Variants in ESRRB observed in about 807,000 individuals in gnomAD.
ESRRB encodes the protein estrogen related receptor beta.
Under a neutral mutation model 46.0 loss-of-function variants are expected in ESRRB, and 16 were observed. The observed-to-expected ratio is 0.35, with a 90% CI of 0.24 to 0.53. ESRRB has a LOEUF of 0.53. Among genes scored for constraint, ESRRB ranks in the 20% least tolerant of loss-of-function variants. ESRRB has a pLI of 0.93. For missense variants in ESRRB, 488 were observed against 607.4 expected (o/e 0.80, Z 2.07); for synonymous variants, 246 against 259.6 (o/e 0.95, Z 0.50).
chr14:76,401,711 C>T (rs541459065), intron 1 of ESRRB, among the ~76,000 whole-genome samples: 1 of 152,088 alleles, frequency 6.6e-6, no homozygotes, highest in African/African-American at 2.4e-5. Flanking sequence ...ACCATACAGC[C>T]TAGGGGTGTA....
At chr14:76,353,967 A>G (rs947278818) in intron 1 of ESRRB, among the ~76,000 whole-genome samples, 1 of 152,092 alleles carries the variant, frequency 6.6e-6, no homozygotes, top group Non-Finnish European at 1.5e-5. Context: ...GTCTCAAAAT[A>G]AAAATAAAGA....
At chr14:76,346,708 A>G (rs1249136700) in intron 1 of ESRRB, among the ~76,000 whole-genome samples, 3 of 152,278 alleles carry the variant, frequency 2.0e-5, no homozygotes, top group African/African-American at 7.2e-5. Context: ...TGCCCAGACC[A>G]CGGGAGCATC....
At chr14:76,485,233 ATTTTTTTTTTT>A (rs34504939) in intron 5 of ESRRB, among the ~76,000 whole-genome samples, 1 of 91,858 alleles carries the variant, frequency 1.1e-5, no homozygotes, top group African/African-American at 4.2e-5. Flanking sequence ...CAAATGCCTG[ATTTTTTTTTTT>A]TTTTTTTTTT....
Position 76,491,568 on chromosome 14 carries a change from G to C in ESRRB, c.972G>C (p.Glu324Asp). 1.3e-6 allele frequency: 2 copies of C among 1,592,670 alleles called. No individual in the cohort carries two copies. Among genetic ancestry groups the C allele is most frequent in the East Asian group, 2.3e-5 (1 of 44,206 alleles). ...LPYDDKLVYA[E>D]DYIMDEEHSR... The stretch of plus-strand genomic sequence containing the variant: ...ATGACGACAAGCTGGTGTACGCTGA[G>C]GACTACATCATGGATGAGGAGCACT... The change falls in exon 6 of 7, where the codon GAG becomes GAC. Residue 324 changes from glutamate to aspartate, a missense_variant. Glu to Asp is a conservative substitution (Grantham distance 45). Coordinates refer to ENST00000644823, the MANE Select transcript of ESRRB (RefSeq NM_001379180.1).
intron 2 of ESRRB, among the ~76,000 whole-genome samples, chr14:76,458,840 CTTTTTTTT>C (rs58084859): frequency 7.9e-6 from 1 of 126,272 alleles, no homozygotes; most frequent in Non-Finnish European, 1.7e-5. Flanking sequence ...TCACCCTCTC[CTTTTTTTT>C]TTTTTTTTTT....
intron 6 of ESRRB, among the ~76,000 whole-genome samples, chr14:76,497,553 C>T: frequency 6.6e-6 from 1 of 152,204 alleles, no homozygotes; most frequent in South Asian, 2.1e-4. Context: ...TTAGAGAACT[C>T]CCTATAGCTC....
chr14:76,492,458 C>A (rs146426414), intron 6 of ESRRB, among the ~76,000 whole-genome samples: 1 of 152,222 alleles, frequency 6.6e-6, no homozygotes, highest in Non-Finnish European at 1.5e-5. Flanking sequence ...TGAGCCACCA[C>A]GCTCAGCGTC....
intron 1 of ESRRB, among the ~76,000 whole-genome samples, chr14:76,350,902 GC>G (rs1884306090): frequency 6.6e-6 from 1 of 152,198 alleles, no homozygotes; most frequent in Admixed American, 6.5e-5. Context: ...GCTGAGTGAG[GC>G]TGGCAGGTGA....
chr14:76,405,663 T>C (rs1886155218), intron 1 of ESRRB, among the ~76,000 whole-genome samples: 1 of 151,564 alleles, frequency 6.6e-6, no homozygotes, highest in Admixed American at 6.6e-5. Context: ...GTAGCCAAAC[T>C]ACCCTTAGGA....
chr14:76,352,164 C>A (rs1488648971), intron 1 of ESRRB, among the ~76,000 whole-genome samples: 1 of 152,130 alleles, frequency 6.6e-6, no homozygotes, highest in African/African-American at 2.4e-5. Flanking sequence ...TCAGGAAAAC[C>A]ACTTACCCTC....
intron 1 of ESRRB, among the ~76,000 whole-genome samples, chr14:76,335,524 G>A (rs1884115412): frequency 6.6e-6 from 1 of 152,198 alleles, no homozygotes; most frequent in African/African-American, 2.4e-5. Context: ...TGGTTGCAGT[G>A]GTAGCGAAGA....
intron 3 of ESRRB, among the ~76,000 whole-genome samples, chr14:76,469,313 G>A (rs1221842723): frequency 6.6e-6 from 1 of 151,934 alleles, no homozygotes; most frequent in Non-Finnish European, 1.5e-5. Context: ...CAGGCTGTTC[G>A]TGAACTCCTG....
chr14:76,382,761 G>T (rs1885065975), intron 1 of ESRRB, among the ~76,000 whole-genome samples: 1 of 152,076 alleles, frequency 6.6e-6, no homozygotes, highest in Non-Finnish European at 1.5e-5. Flanking sequence ...AAGTTTTCCT[G>T]GGGCTCAGAG....
chr14:76,336,302 G>GATGGAAA (rs1884125757), intron 1 of ESRRB, among the ~76,000 whole-genome samples: 1 of 68,166 alleles, frequency 1.5e-5, no homozygotes, highest in Admixed American at 1.9e-4. Flanking sequence ...AAGGCTCAGC[G>GATGGAAA]ATGACTGGCC....
intron 1 of ESRRB, among the ~76,000 whole-genome samples, chr14:76,430,916 A>C (rs1487305566): frequency 2.0e-5 from 3 of 152,218 alleles, no homozygotes; most frequent in Non-Finnish European, 4.4e-5. Context: ...CTGGACGCTT[A>C]TCAGGCCAGT....
At chr14:76,422,741 G>A (rs1887023559) in intron 1 of ESRRB, among the ~76,000 whole-genome samples, 1 of 152,198 alleles carries the variant, frequency 6.6e-6, no homozygotes, top group Admixed American at 6.5e-5. Flanking sequence ...TTGCAGATGA[G>A]GAAACCAAGT....
rs967628102 is a variant in ESRRB at position 76,311,843 on chromosome 14, T to C, written c.2+927T>C. On this transcript the variant is annotated intron_variant, in intron 1 of 6. Transcript: ENST00000512784. ...GCCACAGTCCTGTGTCCACGGGGCT[T>C]ACCTGCCACGAGCTTCCCGTGCAAC... 3.3e-5 allele frequency among the ~76,000 whole-genome samples: 5 copies of C among 152,336 alleles called. No homozygotes were observed. The East Asian group carries it at 9.7e-4, about 29-fold the overall frequency.
chr14:76,433,758 T>C (rs1317366209), intron 1 of ESRRB, among the ~76,000 whole-genome samples: 1 of 152,182 alleles, frequency 6.6e-6, no homozygotes, highest in Non-Finnish European at 1.5e-5. Flanking sequence ...CCCCAGACAC[T>C]TCCTGACTGC....
At position 76,431,720 on chromosome 14, in the gene ESRRB, A is replaced by G. The variant is rs141397124; in HGVS notation, c.51-7621A>G. Among the ~76,000 whole-genome samples the G allele has an allele frequency of 1.0e-3, 158 of 152,292 alleles. 1 individual carries two copies. Among genetic ancestry groups the G allele is most frequent in the South Asian group, 3.9e-3 (19 of 4,824 alleles). On this transcript the variant is annotated intron_variant, in intron 1 of 6. Coordinates refer to ENST00000644823, the MANE Select transcript of ESRRB (RefSeq NM_001379180.1). ...CCCCAAGGGGCTTCGACCACTGACTACTGCCCTTTCAAAGGCTGCTTGGAT... is the reference window on the plus strand; with the variant it reads ...CCCCAAGGGGCTTCGACCACTGACTGCTGCCCTTTCAAAGGCTGCTTGGAT...
Sources: allele counts gnomAD v4.1 joint callset (sites outside exome capture counted in the v4.1 genomes callset), GRCh38; gene constraint gnomAD v4.1.1; transcripts MANE v1.5; gene names NCBI Gene and HGNC (gene_info 2026-07-23, HGNC 2026-07-21).